The following ANXA8 variants were observed in gnomAD, a reference collection of about 807,000 sequenced individuals.
ANXA8 encodes the protein annexin A8, also known as VAC-beta.
Under a neutral mutation model 26.8 loss-of-function variants are expected in ANXA8, and 9 were observed. That is an observed-to-expected ratio of 0.34 (90% confidence interval 0.20 to 0.59). The LOEUF (loss-of-function observed/expected upper bound fraction) is 0.59. Among genes scored for constraint, ANXA8 ranks in the 20% least tolerant of loss-of-function variants. The pLI, the probability that ANXA8 is intolerant of heterozygous loss-of-function variation, is 0.84. For missense variants in ANXA8, 83 were observed against 238.5 expected (o/e 0.35, Z 4.29); for synonymous variants, 39 against 94.8 (o/e 0.41, Z 3.42).
the ANXA8 span, chr10:47,564,269 G>C: frequency 1.8e-6 from 1 of 562,854 alleles, no homozygotes; most frequent in Admixed American, 2.8e-5. Context: ...GCCGGGGACC[G>C]GCTCCCCAGG....
chr10:47,641,220 CTT>C, the ANXA8 span, among the ~76,000 whole-genome samples: 1 of 151,282 alleles, frequency 6.6e-6, no homozygotes, highest in South Asian at 2.1e-4. Context: ...AATAATAAGA[CTT>C]TTCATTAAAA....
chr10:47,894,781 AGCACACCACAC>A, the ANXA8 span, among the ~76,000 whole-genome samples: 1 of 152,332 alleles, frequency 6.6e-6, no homozygotes, highest in South Asian at 2.1e-4. Context: ...CACACATCAC[AGCACACCACAC>A]ACACACCACA....
At chr10:47,584,859 G>A in the ANXA8 span, among the ~76,000 whole-genome samples, 6 of 137,064 alleles carry the variant, frequency 4.4e-5, no homozygotes, top group Non-Finnish European at 9.1e-5. Flanking sequence ...AGGCCAAGGC[G>A]GGTGGATCAC....
the ANXA8 span, among the ~76,000 whole-genome samples, chr10:47,549,101 C>T: frequency 2.6e-5 from 4 of 151,980 alleles, no homozygotes; most frequent in African/African-American, 9.7e-5. Context: ...TTTCATTGTG[C>T]ACATTCCATT....
chr10:47,625,767 A>G, the ANXA8 span, among the ~76,000 whole-genome samples: 1 of 151,016 alleles, frequency 6.6e-6, no homozygotes, highest in East Asian at 1.9e-4. Context: ...ATTTTCAAAT[A>G]TAAATGTATT....
chr10:47,733,287 CTTTCTTTCT>C, the ANXA8 span, among the ~76,000 whole-genome samples: 20 of 73,586 alleles, frequency 2.7e-4, 3 homozygotes, highest in East Asian at 2.7e-3. Context: ...TTCTTTCTTT[CTTTCTTTCT>C]TTTTTTTCTT....
the ANXA8 span, among the ~76,000 whole-genome samples, chr10:47,675,402 C>T: frequency 2.6e-5 from 4 of 151,732 alleles, no homozygotes; most frequent in East Asian, 5.8e-4. Flanking sequence ...ATGTAAGGTA[C>T]TCCCACAGTT....
At chr10:47,584,181 C>CA in the ANXA8 span, among the ~76,000 whole-genome samples, 4 of 149,088 alleles carry the variant, frequency 2.7e-5, no homozygotes, top group Admixed American at 1.3e-4. Context: ...GTCTCAAAGA[C>CA]AAAAAAACAA....
chr10:47,738,564 G>T, the ANXA8 span, among the ~76,000 whole-genome samples: 2 of 151,470 alleles, frequency 1.3e-5, no homozygotes, highest in Non-Finnish European at 2.9e-5. Context: ...CATTTAAAGG[G>T]TATTAACTAT....
chr10:47,572,504 T>C, the ANXA8 span, among the ~76,000 whole-genome samples: 1 of 150,820 alleles, frequency 6.6e-6, no homozygotes, highest in African/African-American at 2.5e-5. Flanking sequence ...TCACCTAAAG[T>C]CAGGAGTTCG....
chr10:47,536,630 G>C, the ANXA8 span, among the ~76,000 whole-genome samples: 4 of 127,286 alleles, frequency 3.1e-5, 2 homozygotes, highest in African/African-American at 1.5e-4. Flanking sequence ...TATATACCCC[G>C]CCCTTCAAAA....
At chr10:47,570,657 C>CT in the ANXA8 span, among the ~76,000 whole-genome samples, 1 of 150,378 alleles carries the variant, frequency 6.6e-6, no homozygotes, top group Non-Finnish European at 1.5e-5. Flanking sequence ...TGGTGCATGG[C>CT]TGTGGTCCCA....
chr10:47,685,998 C>A, the ANXA8 span, among the ~76,000 whole-genome samples: 1 of 149,598 alleles, frequency 6.7e-6, no homozygotes, highest in African/African-American at 2.5e-5. Context: ...ATTAGGGCAG[C>A]TTTCCTGGGC....
the ANXA8 span, among the ~76,000 whole-genome samples, chr10:47,535,546 G>T: frequency 1.4e-5 from 2 of 145,950 alleles, no homozygotes; most frequent in Non-Finnish European, 3.0e-5. Flanking sequence ...AAAGGAGTTG[G>T]CAGTATGAAG....
the ANXA8 span, among the ~76,000 whole-genome samples, chr10:47,616,678 C>T: frequency 2.5e-3 from 176 of 69,890 alleles, 31 homozygotes; most frequent in African/African-American, 7.0e-3. Context: ...GGGTGCAATG[C>T]TGAGTGCCAG....
the ANXA8 span, among the ~76,000 whole-genome samples, chr10:47,493,166 C>T: frequency 6.6e-6 from 1 of 150,848 alleles, no homozygotes; most frequent in Non-Finnish European, 1.5e-5. Context: ...TTTAGAGGGG[C>T]CTCTTTATGA....
At chr10:47,693,662 C>A in the ANXA8 span, among the ~76,000 whole-genome samples, 1 of 151,770 alleles carries the variant, frequency 6.6e-6, no homozygotes, top group Non-Finnish European at 1.5e-5. Context: ...ATCCCACTGG[C>A]AATATTAGCT....
chr10:47,594,552 A>T, the ANXA8 span, among the ~76,000 whole-genome samples: 1 of 137,164 alleles, frequency 7.3e-6, no homozygotes, highest in Non-Finnish European at 1.5e-5. Flanking sequence ...AAGACAACAT[A>T]GTTATATTAA....
At chr10:47,938,987 CCT>C in the ANXA8 span, among the ~76,000 whole-genome samples, 1 of 143,736 alleles carries the variant, frequency 7.0e-6, no homozygotes, top group East Asian at 2.3e-4. Flanking sequence ...TTTGCCAGCC[CCT>C]GTTCTGGACC....
Sources: gnomAD v4.1 joint callset for allele counts (sites outside exome capture counted in the v4.1 genomes callset) on GRCh38, gnomAD v4.1.1 for gene constraint, MANE v1.5 for transcripts, NCBI Gene and HGNC (gene_info 2026-07-23, HGNC 2026-07-21) for gene names.